PTPN12: variants seen among roughly 807,000 people sequenced by gnomAD.
PTPN12 encodes protein tyrosine phosphatase non-receptor type 12, also known as tyrosine-protein phosphatase non-receptor type 12.
A neutral mutation model predicts 97.6 loss-of-function variants in PTPN12; 29 were observed. The observed-to-expected ratio is 0.30, with a 90% CI of 0.22 to 0.41. The LOEUF is 0.41. Among genes scored for constraint, PTPN12 ranks in the 10% least tolerant of loss-of-function variants. The pLI, the probability that PTPN12 is intolerant of heterozygous loss-of-function variation, is 1.00. For synonymous variants in PTPN12, 327 were observed against 300.4 expected (o/e 1.09, Z -0.91); for missense variants, 819 against 926.0 (o/e 0.88, Z 1.50).
chr7:77,636,224 C>T (rs1425207712), intron 15 of PTPN12, among the ~76,000 whole-genome samples: 1 of 151,982 alleles, frequency 6.6e-6, no homozygotes, highest in African/African-American at 2.4e-5. Context: ...GGCACATAGT[C>T]GCTTCTTTTG....
At chr7:77,556,791 C>G (rs1584103543) in intron 1 of PTPN12, among the ~76,000 whole-genome samples, 1 of 152,136 alleles carries the variant, frequency 6.6e-6, no homozygotes, top group East Asian at 1.9e-4. Flanking sequence ...GACCGCACCA[C>G]TGCACTCCAG....
intron 5 of PTPN12, among the ~76,000 whole-genome samples, chr7:77,589,803 C>A (rs1787808488): frequency 6.6e-6 from 1 of 152,052 alleles, no homozygotes; most frequent in African/African-American, 2.4e-5. Flanking sequence ...AAATGTCATT[C>A]TCCTAATGTT....
intron 12 of PTPN12, among the ~76,000 whole-genome samples, chr7:77,623,266 C>G (rs991882750): frequency 6.6e-6 from 1 of 152,092 alleles, no homozygotes; most frequent in Non-Finnish European, 1.5e-5. Flanking sequence ...TGAAAATACT[C>G]GATTAACAAA....
intron 1 of PTPN12, among the ~76,000 whole-genome samples, chr7:77,541,830 A>G (rs568730367): frequency 2.6e-5 from 4 of 152,300 alleles, no homozygotes; most frequent in Non-Finnish European, 4.4e-5. Context: ...GTGCAGAACT[A>G]TGTTGCCTAG....
At chr7:77,619,195 T>C (rs566151360) in intron 12 of PTPN12, among the ~76,000 whole-genome samples, 104 of 152,238 alleles carry the variant, frequency 6.8e-4, no homozygotes, top group African/African-American at 2.5e-3. Context: ...AATATTGTCC[T>C]AAGGATTAAA....
chr7:77,635,739 G>A, intron 14 of PTPN12, 43 bp from the exon 15 acceptor site: 1 of 1,302,836 alleles, frequency 7.7e-7, no homozygotes, highest in Non-Finnish European at 1.1e-6. Flanking sequence ...AGAAATTTCA[G>A]AAATTCAAGG....
intron 1 of PTPN12, among the ~76,000 whole-genome samples, chr7:77,558,787 C>A (rs1325540761): frequency 6.6e-6 from 1 of 152,108 alleles, no homozygotes; most frequent in Non-Finnish European, 1.5e-5. Flanking sequence ...CTTTGGGAGG[C>A]CGAGGCAGGA....
chr7:77,564,946 T>TG (rs1326756046), intron 1 of PTPN12, among the ~76,000 whole-genome samples: 15 of 143,660 alleles, frequency 1.0e-4, no homozygotes, highest in African/African-American at 3.7e-4. Context: ...TTAGTAGAGA[T>TG]GGGGTTTCAC....
intron 1 of PTPN12, among the ~76,000 whole-genome samples, chr7:77,541,760 A>G (rs1262889538): frequency 6.6e-6 from 1 of 152,152 alleles, no homozygotes; most frequent in African/African-American, 2.4e-5. Flanking sequence ...ATGAGTGTCT[A>G]TTCCTGGCCT....
intron 15 of PTPN12, among the ~76,000 whole-genome samples, chr7:77,636,149 G>A (rs528134140): frequency 6.6e-6 from 1 of 152,214 alleles, no homozygotes; most frequent in Admixed American, 6.5e-5. Flanking sequence ...GAATGAAATA[G>A]GAGTTACTAT....
chr7:77,554,905 C>G (rs1562708394), intron 1 of PTPN12, among the ~76,000 whole-genome samples: 1 of 152,150 alleles, frequency 6.6e-6, no homozygotes, highest in Non-Finnish European at 1.5e-5. Context: ...CCAGGTTGGT[C>G]TTGAACTCCT....
chr7:77,600,726 A>G lies in PTPN12; in HGVS notation c.615A>G (p.Ser205=), dbSNP rs1788163792. The G allele has an allele frequency of 6.2e-7, 1 of 1,611,584 alleles. No homozygotes were observed. Among genetic ancestry groups the G allele is most frequent in the African/African-American group, 1.3e-5 (1 of 74,776 alleles). ...GGCCAGACCATGATGTTCCTTCATCATTTGATTCTATTCTGGACATGATAA... is the reference window on the plus strand; with the variant it reads ...GGCCAGACCATGATGTTCCTTCATCGTTTGATTCTATTCTGGACATGATAA... ...VNWPDHDVPS[S]FDSILDMISL... Residue 205 remains serine, a synonymous_variant, in exon 8 of 18, where the codon TCA becomes TCG. Transcript: ENST00000248594.
At chr7:77,621,455 G>A (rs534813329) in intron 12 of PTPN12, among the ~76,000 whole-genome samples, 1 of 152,300 alleles carries the variant, frequency 6.6e-6, no homozygotes, top group African/African-American at 2.4e-5. Flanking sequence ...GATCACCTGA[G>A]GTTGGGAGTT....
chr7:77,581,359 T>C (rs1787510668), intron 2 of PTPN12, 68 bp from the exon 3 acceptor site: 1 of 1,024,750 alleles, frequency 9.8e-7, no homozygotes, highest in African/African-American at 1.6e-5. Flanking sequence ...CTATTTAACC[T>C]TACTTACGCT....
chr7:77,554,125 C>T (rs1340910882), intron 1 of PTPN12, among the ~76,000 whole-genome samples: 1 of 152,126 alleles, frequency 6.6e-6, no homozygotes, highest in Non-Finnish European at 1.5e-5. Flanking sequence ...GCCACCAACC[C>T]TCAAGTAATG....
intron 1 of PTPN12, 24 bp downstream of exon 1, chr7:77,537,669 C>A: frequency 6.4e-7 from 1 of 1,566,236 alleles, no homozygotes; most frequent in Non-Finnish European, 8.6e-7. Flanking sequence ...CTCGCTGTCG[C>A]GTTTTCTTGC....
chr7:77,563,090 G>C (rs1401171618), intron 1 of PTPN12, among the ~76,000 whole-genome samples: 1 of 151,962 alleles, frequency 6.6e-6, no homozygotes, highest in Non-Finnish European at 1.5e-5. Flanking sequence ...CAAAATCAAG[G>C]ACTATTACTA....
intron 2 of PTPN12, among the ~76,000 whole-genome samples, chr7:77,579,454 C>T (rs1344841855): frequency 6.6e-6 from 1 of 151,762 alleles, no homozygotes; most frequent in Non-Finnish European, 1.5e-5. Context: ...ATGAGATCCT[C>T]GAAAGAGAAA....
rs1221112152 is a variant in PTPN12, at chr7:77,582,163, C to T, written c.285+660C>T. Among the ~76,000 whole-genome samples the T allele has an allele frequency of 1.3e-3, 164 of 122,160 alleles. 1 individual carries two copies. The highest frequency in any genetic ancestry group is 4.9e-3 in the African/African-American group (155 of 31,674). The allele number at this position is 122,160 out of a possible 152,430, so 80.1% of individuals were successfully genotyped here. ...AGTCTGGAGTGCAGTGGCGCTATCT[C>T]GGCTCACTGCAAGCTCTGCTTCCCG... On this transcript the variant is annotated intron_variant, in intron 3 of 17. Coordinates refer to ENST00000248594, the MANE Select transcript of PTPN12 (RefSeq NM_002835.4).
Sources: allele counts gnomAD v4.1 joint callset (sites outside exome capture counted in the v4.1 genomes callset), GRCh38; gene constraint gnomAD v4.1.1; transcripts MANE v1.5; gene names NCBI Gene and HGNC (gene_info 2026-07-23, HGNC 2026-07-21).